USP10: variants seen among roughly 807,000 people sequenced by gnomAD.
USP10 encodes the protein ubiquitin carboxyl-terminal hydrolase 10.
Under a neutral mutation model 84.5 loss-of-function variants are expected in USP10, and 22 were observed. The ratio of observed to expected loss-of-function variants is 0.26; its 90% CI spans 0.19 to 0.37. The LOEUF (loss-of-function observed/expected upper bound fraction) is 0.37, where lower values mean the gene tolerates loss of function less well. Among genes scored for constraint, USP10 ranks in the 10% least tolerant of loss-of-function variants. The pLI, the probability that USP10 is intolerant of heterozygous loss-of-function variation, is 1.00. For missense variants in USP10, 1,019 were observed against 998.9 expected, an observed-to-expected ratio of 1.02 and a Z score of -0.27; for synonymous variants, 454 against 387.6, an observed-to-expected ratio of 1.17 and a Z score of -2.01.
Position 84,759,612 on chromosome 16 carries a change from C to T in USP10, c.1394+140C>T, listed in dbSNP as rs1345055486. 1.2e-5 allele frequency: 10 copies of T among 810,126 alleles called. No individual in the cohort carries two copies. The East Asian group carries it at 1.6e-4, about 13-fold the overall frequency. 50.2% of individuals were successfully genotyped at this position (810,126 alleles called of 1,614,324 possible). On this transcript the variant is annotated intron_variant, in intron 6 of 13. Coordinates refer to ENST00000219473, the MANE Select transcript of USP10 (RefSeq NM_005153.3). The stretch of plus-strand genomic sequence containing the variant: ...TCTTTTTTTAAAAATAGACTGTTGG[C>T]GATTTTATATGGAAGTTAACCAGAA...
intron 2 of USP10, among the ~76,000 whole-genome samples, chr16:84,734,913 G>C (rs772729163): frequency 2.6e-5 from 4 of 152,194 alleles, no homozygotes; most frequent in African/African-American, 4.8e-5. Context: ...TAGCTGTCCT[G>C]TCAGCCCCGT....
At chr16:84,716,209 C>T (rs1327018199) in intron 1 of USP10, 1 of 152,300 alleles carries the variant, frequency 6.6e-6, no homozygotes, top group African/African-American at 2.4e-5. Flanking sequence ...GCCAGTTCCT[C>T]CTGGACTCCT....
intron 13 of USP10, among the ~76,000 whole-genome samples, chr16:84,778,026 G>T (rs534563369): frequency 1.3e-5 from 2 of 150,702 alleles, no homozygotes; most frequent in South Asian, 4.2e-4. Flanking sequence ...ATCTTCTACA[G>T]ATTTTTTGTT....
intron 10 of USP10, among the ~76,000 whole-genome samples, chr16:84,765,547 T>A (rs1427124307): frequency 6.6e-6 from 1 of 152,104 alleles, no homozygotes; most frequent in East Asian, 1.9e-4. Flanking sequence ...TGTGTCTGAC[T>A]TCTTTAACTT....
intron 2 of USP10, among the ~76,000 whole-genome samples, chr16:84,735,123 C>A (rs1379492206): frequency 6.6e-6 from 1 of 151,924 alleles, no homozygotes; most frequent in Non-Finnish European, 1.5e-5. Flanking sequence ...ACCCCCCGCC[C>A]CGCCTCAGGG....
At chr16:84,742,973 T>G (rs1910796884) in intron 3 of USP10, among the ~76,000 whole-genome samples, 1 of 152,156 alleles carries the variant, frequency 6.6e-6, no homozygotes, top group Admixed American at 6.5e-5. Flanking sequence ...CACAACACGT[T>G]CTAGTTTCTA....
chr16:84,777,532 T>C (rs1018782514), intron 13 of USP10, among the ~76,000 whole-genome samples: 1 of 152,180 alleles, frequency 6.6e-6, no homozygotes, highest in Non-Finnish European at 1.5e-5. Context: ...TGCCCTTGGA[T>C]TGGCTGTGTC....
chr16:84,729,123 G>C (rs764384195), intron 1 of USP10, among the ~76,000 whole-genome samples: 1 of 152,172 alleles, frequency 6.6e-6, no homozygotes, highest in Admixed American at 6.5e-5. Flanking sequence ...TTTTGGAATA[G>C]TGTTGATAAT....
intron 1 of USP10, among the ~76,000 whole-genome samples, chr16:84,709,655 A>T (rs79103513): frequency 0.012 from 1,856 of 152,050 alleles, 22 homozygotes; most frequent in Non-Finnish European, 0.019. Context: ...AAGTTGCGTG[A>T]CTCAGGAGTT....
At chr16:84,748,730 A>G (rs566969073) in intron 4 of USP10, among the ~76,000 whole-genome samples, 2 of 152,214 alleles carry the variant, frequency 1.3e-5, no homozygotes, top group Non-Finnish European at 2.9e-5. Context: ...AGAACATTCT[A>G]CTTAGTCATA....
chr16:84,733,448 AT>A lies in USP10; in HGVS notation c.39del (p.Phe13LeufsTer11). Reference protein sequence around the residue: ...ALHSPQYIFGDFSPDEFNQFF... With the variant: ...ALHSPQYIFGXFSPDEFNQFF... ...ATTTTTTTTCAGTATATTTTTGGAG[AT>A]TTTAGCCCTGATGAATTCAATCAAT... On this transcript the variant is annotated frameshift_variant, in exon 2 of 14. Transcript: ENST00000219473. LOFTEE classifies it high-confidence loss of function. The A allele has an allele frequency of 6.2e-7, 1 of 1,606,476 alleles. No individual in the cohort carries two copies. The highest frequency in any genetic ancestry group is 8.5e-7 in the Non-Finnish European group (1 of 1,177,572).
At chr16:84,719,856 C>A (rs993706446) in intron 1 of USP10, among the ~76,000 whole-genome samples, 13 of 152,222 alleles carry the variant, frequency 8.5e-5, no homozygotes, top group Non-Finnish European at 1.8e-4. Context: ...CATGTTTCGA[C>A]AGATCATTAG....
At chr16:84,712,172 G>T (rs541849463) in intron 1 of USP10, among the ~76,000 whole-genome samples, 2 of 152,308 alleles carry the variant, frequency 1.3e-5, no homozygotes, top group South Asian at 2.1e-4. Flanking sequence ...TTGTGTGTAT[G>T]GCAGGCTTTG....
chr16:84,725,873 C>G (rs566161502), intron 1 of USP10, among the ~76,000 whole-genome samples: 1 of 152,288 alleles, frequency 6.6e-6, no homozygotes, highest in Admixed American at 6.5e-5. Flanking sequence ...TCATGTTTCC[C>G]CAAATTGAGC....
chr16:84,757,396 G>GTGT (rs11373011), intron 4 of USP10, among the ~76,000 whole-genome samples: 2,431 of 127,188 alleles, frequency 0.019, 23 homozygotes, highest in Admixed American at 0.035. Context: ...GAATGAGAGG[G>GTGT]GTGGGGGTGT....
chr16:84,768,712 C>T (rs575177304), intron 11 of USP10, among the ~76,000 whole-genome samples: 52 of 152,316 alleles, frequency 3.4e-4, no homozygotes, highest in African/African-American at 1.2e-3. Flanking sequence ...GTACAACTGT[C>T]ATTAGATTAG....
chr16:84,713,728 TAGAG>T (rs1906619210), intron 1 of USP10, among the ~76,000 whole-genome samples: 1 of 152,108 alleles, frequency 6.6e-6, no homozygotes, highest in Non-Finnish European at 1.5e-5. Flanking sequence ...GATCCAGAAT[TAGAG>T]AGACCATCAC....
At chr16:84,778,845 T>C in intron 13 of USP10, 50 bp from the exon 14 acceptor site, 2 of 1,555,966 alleles carry the variant, frequency 1.3e-6, no homozygotes, top group South Asian at 1.2e-5. Context: ...CCTGTAATGA[T>C]TCGTGTGCAG....
chr16:84,775,100 G>A (rs1914858790), intron 12 of USP10, 60 bp from the exon 13 acceptor site: 4 of 1,472,244 alleles, frequency 2.7e-6, no homozygotes, highest in Admixed American at 1.7e-5. Flanking sequence ...GCCATTTTCT[G>A]CTGCTGTTAC....
Sources: allele counts gnomAD v4.1 joint callset (sites outside exome capture counted in the v4.1 genomes callset), GRCh38; gene constraint gnomAD v4.1.1; transcripts MANE v1.5; gene names NCBI Gene and HGNC (gene_info 2026-07-23, HGNC 2026-07-21).